The following AGBL1 variants were observed in gnomAD, a reference collection of about 807,000 sequenced individuals.
AGBL1 encodes the protein AGBL carboxypeptidase 1, also known as cytosolic carboxypeptidase 4.
Under a neutral mutation model 118.9 loss-of-function variants are expected in AGBL1, and 130 were observed. The observed-to-expected ratio is 1.09, with a 90% CI of 0.95 to 1.26. The LOEUF is 1.26. AGBL1 is among the 50% of genes most tolerant of loss of function. The probability of loss-of-function intolerance (pLI) is 0.00; values close to 1 mark genes in which losing one functional copy is unlikely to be tolerated. For missense variants in AGBL1, 1,584 were observed against 1,298.1 expected, an observed-to-expected ratio of 1.22 and a Z score of -3.38; for synonymous variants, 555 against 478.9, an observed-to-expected ratio of 1.16 and a Z score of -2.08.
intron 22 of AGBL1, among the ~76,000 whole-genome samples, chr15:86,827,339 G>A (rs12901085): frequency 0.044 from 103 of 2,350 alleles, no homozygotes; most frequent in Non-Finnish European, 0.047. Context: ...ATATATATAT[G>A]TGTATATATA....
intron 18 of AGBL1, among the ~76,000 whole-genome samples, chr15:86,459,395 T>A (rs1436816463): frequency 6.6e-6 from 1 of 152,116 alleles, no homozygotes; most frequent in Admixed American, 6.5e-5. Context: ...GTCCCCAAGA[T>A]TGAGACTGGA....
intron 22 of AGBL1, among the ~76,000 whole-genome samples, chr15:86,766,301 CA>C (rs1048889525): frequency 6.6e-6 from 1 of 151,834 alleles, no homozygotes; most frequent in Non-Finnish European, 1.5e-5. Context: ...ATGCAATTTA[CA>C]ATGTCACTCC....
At position 86,850,834 on chromosome 15, in the gene AGBL1, A is replaced by AC. The variant is rs376813311; in HGVS notation, c.3159-56252dup. ...TCCAAAAGCTAAAAAACAAAACAAA[A>AC]CAAAATGAAAAGATAGTTTCCTTCT... is the stretch of plus-strand genomic sequence containing the variant. On this transcript the variant is annotated intron_variant, in intron 22 of 22. Transcript: ENST00000614907. 4.0e-3 allele frequency among the ~76,000 whole-genome samples: 169 copies of AC among 42,526 alleles called. 4 individuals carry two copies. The East Asian group carries it at 0.097, about 24-fold the overall frequency. 27.9% of individuals were successfully genotyped at this position (42,526 alleles called of 152,430 possible).
chr15:86,703,266 A>G (rs1003891867), intron 22 of AGBL1, among the ~76,000 whole-genome samples: 1 of 152,132 alleles, frequency 6.6e-6, no homozygotes, highest in South Asian at 2.1e-4. Context: ...AACAGTTTGG[A>G]TACACTGAGT....
intron 22 of AGBL1, among the ~76,000 whole-genome samples, chr15:86,769,969 C>T (rs935869731): frequency 4.6e-5 from 7 of 151,924 alleles, no homozygotes; most frequent in East Asian, 1.9e-4. Context: ...AAGAAGATTC[C>T]GCTGGGCTCC....
chr15:86,352,267 A>G (rs1273372887), intron 17 of AGBL1, among the ~76,000 whole-genome samples: 1 of 152,210 alleles, frequency 6.6e-6, no homozygotes, highest in South Asian at 2.1e-4. Context: ...ACTCTGACCA[A>G]CTAGAAACAG....
intron 21 of AGBL1, among the ~76,000 whole-genome samples, chr15:86,559,065 C>T (rs949451479): frequency 6.6e-6 from 1 of 152,132 alleles, no homozygotes; most frequent in African/African-American, 2.4e-5. Flanking sequence ...TTTGTCAACG[C>T]ATCACTACAA....
At chr15:86,250,658 T>C (rs998258871) in intron 7 of AGBL1, among the ~76,000 whole-genome samples, 9 of 150,292 alleles carry the variant, frequency 6.0e-5, no homozygotes, top group African/African-American at 1.9e-4. Flanking sequence ...AAAATGATCA[T>C]TGCAGGTGAA....
chr15:86,959,328 T>A (rs990389808), intron 23 of AGBL1, among the ~76,000 whole-genome samples: 1 of 151,962 alleles, frequency 6.6e-6, no homozygotes, highest in South Asian at 2.1e-4. Flanking sequence ...ATAAAATGAG[T>A]AGTTCAACAT....
Position 86,278,361 on chromosome 15 carries a change from C to T in AGBL1, c.2076-1278C>T, listed in dbSNP as rs548907776. Among the ~76,000 whole-genome samples, 25 of 152,212 alleles carry T rather than the reference C, an allele frequency of 1.6e-4. No individual in the cohort carries two copies. The South Asian group carries it at 4.4e-3, about 27-fold the overall frequency. On this transcript the variant is annotated intron_variant, in intron 15 of 22. Coordinates refer to ENST00000614907, the MANE Select transcript of AGBL1 (RefSeq NM_001386094.1). ...CCAAGGCTCCAGATTGCCATGTTGG[C>T]AGAAGCTGAGGGAAGGAAGATAAAG...
chr15:86,871,123 G>A (rs2079722004), intron 22 of AGBL1, among the ~76,000 whole-genome samples: 1 of 152,178 alleles, frequency 6.6e-6, no homozygotes, highest in South Asian at 2.1e-4. Context: ...GCCAGCTTAA[G>A]AAACCAAATC....
chr15:86,886,873 C>T lies in AGBL1; in HGVS notation c.3159-20214C>T, dbSNP rs556467948. 2.6e-4 allele frequency among the ~76,000 whole-genome samples: 39 copies of T among 152,224 alleles called. No individual in the cohort carries two copies. The South Asian group carries it at 8.1e-3, about 32-fold the overall frequency. On this transcript the variant is annotated intron_variant, in intron 22 of 22. Transcript: ENST00000614907. ...AGGTAGGACCATGTAGTTGAAAACT[C>T]AGACGAAGAAATAAGTAAAGACGAG...
intron 5 of AGBL1, among the ~76,000 whole-genome samples, chr15:86,192,120 A>G (rs1008725739): frequency 2.0e-5 from 3 of 151,496 alleles, no homozygotes; most frequent in African/African-American, 4.8e-5. Flanking sequence ...CACGCCCCCA[A>G]TACACACACA....
intron 17 of AGBL1, among the ~76,000 whole-genome samples, chr15:86,389,156 T>TA (rs891160350): frequency 6.6e-6 from 1 of 152,066 alleles, no homozygotes; most frequent in Non-Finnish European, 1.5e-5. Flanking sequence ...CAGAAAACAT[T>TA]AAAAAAATAA....
At chr15:86,807,313 A>G (rs2078729926) in intron 22 of AGBL1, among the ~76,000 whole-genome samples, 1 of 152,218 alleles carries the variant, frequency 6.6e-6, no homozygotes, top group Non-Finnish European at 1.5e-5. Context: ...TGACCTACAA[A>G]TATTATTTTT....
At chr15:86,962,389 A>T (rs1163623207) in intron 23 of AGBL1, among the ~76,000 whole-genome samples, 1 of 152,112 alleles carries the variant, frequency 6.6e-6, no homozygotes, top group Non-Finnish European at 1.5e-5. Context: ...TTCACAAGGC[A>T]TTAACATGTC....
At chr15:86,127,134 A>T (rs1400781500) in intron 1 of AGBL1, among the ~76,000 whole-genome samples, 3 of 151,956 alleles carry the variant, frequency 2.0e-5, no homozygotes, top group Non-Finnish European at 4.4e-5. Context: ...AGGAATACTT[A>T]CTCTCTGATC....
intron 17 of AGBL1, among the ~76,000 whole-genome samples, chr15:86,351,900 C>T (rs931875377): frequency 6.6e-6 from 1 of 151,874 alleles, no homozygotes; most frequent in Non-Finnish European, 1.5e-5. Context: ...AAACATAGAC[C>T]AAGGGTGTTC....
At chr15:86,958,571 A>G (rs1267597273) in intron 23 of AGBL1, among the ~76,000 whole-genome samples, 2 of 152,188 alleles carry the variant, frequency 1.3e-5, no homozygotes, top group Non-Finnish European at 2.9e-5. Context: ...TTTATAGAAA[A>G]CAATTAATGA....
Sources: gnomAD v4.1 joint callset for allele counts (sites outside exome capture counted in the v4.1 genomes callset) on GRCh38, gnomAD v4.1.1 for gene constraint, MANE v1.5 for transcripts, NCBI Gene and HGNC (gene_info 2026-07-23, HGNC 2026-07-21) for gene names.